The following NR3C2 variants were observed in gnomAD, a reference collection of about 807,000 sequenced individuals.
NR3C2 encodes the protein mineralocorticoid receptor.
NR3C2 carries 15 observed loss-of-function variants against 86.4 expected under a neutral mutation model. The observed-to-expected ratio is 0.17, with a 90% CI of 0.12 to 0.27. The LOEUF (loss-of-function observed/expected upper bound fraction) is 0.27. Among genes scored for constraint, NR3C2 ranks in the 10% least tolerant of loss-of-function variants. The pLI is 1.00. For missense variants in NR3C2, 960 were observed against 1,195.6 expected (o/e 0.80, Z 2.91); for synonymous variants, 458 against 450.5 (o/e 1.02, Z -0.21).
At chr4:148,182,372 A>T (rs1228510997) in intron 4 of NR3C2, among the ~76,000 whole-genome samples, 2 of 152,250 alleles carry the variant, frequency 1.3e-5, no homozygotes, top group Non-Finnish European at 2.9e-5. Context: ...AATGTACACA[A>T]CTGGACAACT....
intron 3 of NR3C2, among the ~76,000 whole-genome samples, chr4:148,197,724 TATAGG>T (rs781701403): frequency 3.3e-5 from 5 of 152,208 alleles, no homozygotes; most frequent in African/African-American, 4.8e-5. Context: ...ATCTTCCACA[TATAGG>T]ATAGGAGAGT....
intron 2 of NR3C2, among the ~76,000 whole-genome samples, chr4:148,284,428 G>A (rs972133881): frequency 2.0e-5 from 3 of 152,164 alleles, no homozygotes; most frequent in Admixed American, 6.5e-5. Context: ...ATGTCTGAGT[G>A]TCGATAGCTC....
chr4:148,222,401 T>C (rs1179269982), intron 3 of NR3C2, among the ~76,000 whole-genome samples: 6 of 152,140 alleles, frequency 3.9e-5, no homozygotes, highest in Non-Finnish European at 7.3e-5. Flanking sequence ...CATTAGCCAA[T>C]AATGATTGCC....
intron 2 of NR3C2, among the ~76,000 whole-genome samples, chr4:148,361,386 T>C (rs1745828590): frequency 6.6e-6 from 1 of 152,214 alleles, no homozygotes; most frequent in African/African-American, 2.4e-5. Flanking sequence ...ATTCTGTCAA[T>C]GTCTCAGTAA....
At chr4:148,285,541 T>C (rs1741476356) in intron 2 of NR3C2, among the ~76,000 whole-genome samples, 1 of 152,110 alleles carries the variant, frequency 6.6e-6, no homozygotes, top group Admixed American at 6.6e-5. Flanking sequence ...ACCCCATCTC[T>C]ACTAAAAACA....
At chr4:148,400,656 G>A (rs1303524837) in intron 2 of NR3C2, among the ~76,000 whole-genome samples, 3 of 151,812 alleles carry the variant, frequency 2.0e-5, no homozygotes, top group African/African-American at 7.3e-5. Flanking sequence ...ATGCATGCCT[G>A]TAGTCCCAGC....
upstream of NR3C2, chr4:148,444,621 T>C: frequency 4.1e-6 from 4 of 986,768 alleles, no homozygotes; most frequent in Non-Finnish European, 4.8e-6. Flanking sequence ...AGTCCAATAT[T>C]GGCTGATCGG....
chr4:148,114,391 T>C lies in NR3C2; in HGVS notation c.2642-130A>G, dbSNP rs547806423. 7.8e-4 allele frequency: 768 copies of C among 983,606 alleles called. 4 individuals are homozygous for C. The highest frequency in any genetic ancestry group is 8.2e-4 in the Admixed American group (40 of 48,662). The allele number at this position is 983,606 out of a possible 1,614,324, so 60.9% of individuals were successfully genotyped here. The stretch of plus-strand genomic sequence containing the variant: ...AATTAATTGCATTTATGAATAAATA[T>C]GGCAGCTGTCTACTGGCAAATACTT... On this transcript the variant is annotated intron_variant, in intron 7 of 8. Coordinates refer to ENST00000358102, the MANE Select transcript of NR3C2 (RefSeq NM_000901.5).
chr4:148,119,256 C>T (rs1042692802), intron 7 of NR3C2, among the ~76,000 whole-genome samples: 10 of 152,134 alleles, frequency 6.6e-5, no homozygotes, highest in African/African-American at 2.4e-4. Flanking sequence ...AAAACAACCC[C>T]TTCCCGCTAA....
At chr4:148,108,768 G>GAC (rs1731917904) in intron 8 of NR3C2, among the ~76,000 whole-genome samples, 1 of 152,174 alleles carries the variant, frequency 6.6e-6, no homozygotes, top group Admixed American at 6.5e-5. Flanking sequence ...CTCAGCTCAT[G>GAC]TTGAGGCCAA....
chr4:148,120,939 A>T (rs1732480534), intron 6 of NR3C2, among the ~76,000 whole-genome samples: 1 of 152,244 alleles, frequency 6.6e-6, no homozygotes, highest in South Asian at 2.1e-4. Flanking sequence ...CAATACCCTC[A>T]CACCACTATC....
chr4:148,203,034 TTTTC>T (rs1449801549), intron 3 of NR3C2, among the ~76,000 whole-genome samples: 11 of 152,222 alleles, frequency 7.2e-5, no homozygotes, highest in African/African-American at 2.4e-4. Flanking sequence ...ATGTGAAATG[TTTTC>T]TTTTTCATAT....
chr4:148,409,326 TTTCTC>T (rs2126561455), intron 2 of NR3C2, among the ~76,000 whole-genome samples: 1 of 152,272 alleles, frequency 6.6e-6, no homozygotes, highest in East Asian at 1.9e-4. Flanking sequence ...CCTTTTATAT[TTTCTC>T]TTCTGTCTCT....
At chr4:148,099,415 C>G (rs1731435372) in intron 8 of NR3C2, among the ~76,000 whole-genome samples, 1 of 152,188 alleles carries the variant, frequency 6.6e-6, no homozygotes, top group Non-Finnish European at 1.5e-5. Flanking sequence ...TGATGGCTCC[C>G]TCAGGTGCTT....
chr4:148,414,730 T>C lies in NR3C2; in HGVS notation c.1757+20374A>G, dbSNP rs533274129. ...TACTGATGTTAGACGTGAGAGCTTCTGAAAGGAAATTTATGTGATAATTAT... is the reference window on the plus strand; with the variant it reads ...TACTGATGTTAGACGTGAGAGCTTCCGAAAGGAAATTTATGTGATAATTAT... On this transcript the variant is annotated intron_variant, in intron 2 of 8. Transcript: ENST00000358102. 2.6e-5 allele frequency among the ~76,000 whole-genome samples: 4 copies of C among 152,342 alleles called. No individual in the cohort carries two copies. In the East Asian group the frequency reaches 5.8e-4, roughly 22 times the overall value.
intron 2 of NR3C2, among the ~76,000 whole-genome samples, chr4:148,433,720 C>T (rs772673378): frequency 8.5e-5 from 13 of 152,078 alleles, no homozygotes; most frequent in African/African-American, 2.4e-4. Context: ...TACCTCATAC[C>T]AGCTCACTAA....
intron 2 of NR3C2, among the ~76,000 whole-genome samples, chr4:148,261,500 C>A (rs369706419): frequency 1.3e-5 from 2 of 152,144 alleles, no homozygotes; most frequent in Non-Finnish European, 2.9e-5. Context: ...GGGGGCAGCA[C>A]ACTATGAATA....
intron 3 of NR3C2, among the ~76,000 whole-genome samples, chr4:148,241,607 T>C (rs1739051293): frequency 6.6e-6 from 1 of 152,134 alleles, no homozygotes. Context: ...CTGACTAACA[T>C]AACCATTCCC....
chr4:148,260,968 T>G (rs969639061), intron 2 of NR3C2, among the ~76,000 whole-genome samples: 1 of 152,234 alleles, frequency 6.6e-6, no homozygotes, highest in Non-Finnish European at 1.5e-5. Flanking sequence ...AGTTTAGATA[T>G]GTACCAAGCA....
Sources: gnomAD v4.1 joint callset for allele counts (sites outside exome capture counted in the v4.1 genomes callset) on GRCh38, gnomAD v4.1.1 for gene constraint, MANE v1.5 for transcripts, NCBI Gene and HGNC (gene_info 2026-07-23, HGNC 2026-07-21) for gene names.